The following BSPH1 variants were observed in gnomAD, a reference collection of about 807,000 sequenced individuals.
BSPH1 encodes binder of sperm protein homolog 1, also known as binder of sperm 1.
A neutral mutation model predicts 22.5 loss-of-function variants in BSPH1; 21 were observed. The observed-to-expected ratio is 0.93, with a 90% CI of 0.66 to 1.35. BSPH1 has a LOEUF of 1.35. Ranked by LOEUF, BSPH1 falls within the 40% of genes most tolerant of loss-of-function variation. The pLI, the probability that BSPH1 is intolerant of heterozygous loss-of-function variation, is 0.00. For missense variants in BSPH1, 141 were observed against 154.2 expected (o/e 0.91, Z 0.45); for synonymous variants, 42 against 53.6 (o/e 0.78, Z 0.95).
intron 1 of BSPH1, chr19:47,981,817 A>T (rs1047504081): frequency 1.3e-6 from 1 of 794,132 alleles, no homozygotes; most frequent in African/African-American, 1.9e-5. Flanking sequence ...TTGTTCCTTC[A>T]TGAGCCATTC....
intron 1 of BSPH1, among the ~76,000 whole-genome samples, chr19:47,984,160 AAAAAT>A (rs1220403828): frequency 0.023 from 2,212 of 98,306 alleles, 39 homozygotes; most frequent in African/African-American, 0.065. Context: ...AGAAAAAAAA[AAAAAT>A]ATATATATAT....
intron 1 of BSPH1, among the ~76,000 whole-genome samples, chr19:47,990,198 T>C (rs10425647): frequency 0.17 from 25,918 of 149,202 alleles, 2,778 homozygotes; most frequent in African/African-American, 0.29. Flanking sequence ...AGATAGTGAA[T>C]AGGCAACAGT....
chr19:47,989,729 C>T (rs1315651149), intron 1 of BSPH1, among the ~76,000 whole-genome samples: 2 of 152,094 alleles, frequency 1.3e-5, no homozygotes, highest in African/African-American at 2.4e-5. Flanking sequence ...ATCTGCAAGC[C>T]GGATTGCTGT....
At position 47,976,814 on chromosome 19, in the gene BSPH1, C is replaced by G. The variant is rs2122245149; in HGVS notation, c.297G>C (p.Leu99Phe). 1 of 1,551,698 alleles carries G rather than the reference C, an allele frequency of 6.4e-7. No individual in the cohort carries two copies. The highest frequency in any genetic ancestry group is 1.4e-5 in the African/African-American group (1 of 73,168). Residue 99 changes from leucine to phenylalanine, a missense_variant, in exon 5 of 6, where the codon TTG (leucine) becomes TTC (phenylalanine). By Grantham distance (22) the Leu-to-Phe change is conservative. Coordinates refer to ENST00000344839, the MANE Select transcript of BSPH1 (RefSeq NM_001128326.2). ...NCVFPFWYRR[L>F]IYWECTDDGE... ...CATCATCAGTACACTCCCAGTAGAT[C>G]AAGCGTCTGTACCAGAAGGGAAATA...
chr19:47,980,089 C>T (rs1429761237), intron 2 of BSPH1, among the ~76,000 whole-genome samples: 1 of 152,116 alleles, frequency 6.6e-6, no homozygotes, highest in Non-Finnish European at 1.5e-5. Context: ...TACAATATCA[C>T]TTATGTTAGA....
chr19:47,982,211 A>G (rs778390862), intron 1 of BSPH1, among the ~76,000 whole-genome samples: 3 of 152,232 alleles, frequency 2.0e-5, no homozygotes, highest in Non-Finnish European at 2.9e-5. Flanking sequence ...TAATTAGCAG[A>G]TATCTCTCAT....
intron 3 of BSPH1, chr19:47,977,800 AT>A: frequency 5.0e-6 from 2 of 396,624 alleles, no homozygotes; most frequent in Non-Finnish European, 6.8e-6. Context: ...AAATGTGGGC[AT>A]TTATCTACCC....
At chr19:47,968,681 T>TAAAAAAAAAAAAAAAAAAAAAAAAA (rs71181616) in intron 5 of BSPH1, among the ~76,000 whole-genome samples, 1 of 92,218 alleles carries the variant, frequency 1.1e-5, no homozygotes, top group African/African-American at 4.3e-5. Context: ...GACCCTGTCT[T>TAAAAAAAAAAAAAAAAAAAAAAAAA]AAAAAAAAAA....
rs571900726 is a variant in BSPH1 at position 47,969,258 on chromosome 19, G to A, written c.*3-1049C>T. Among the ~76,000 whole-genome samples, 4 of 152,240 alleles carry A rather than the reference G, an allele frequency of 2.6e-5. No individual in the cohort carries two copies. In the East Asian group the frequency reaches 7.7e-4, roughly 29 times the overall value. On this transcript the variant is annotated intron_variant, in intron 5 of 5. Coordinates refer to ENST00000344839, the MANE Select transcript of BSPH1 (RefSeq NM_001128326.2). ...AAAACAGACTCTTAGGTTTGGGGCT[G>A]GGCAAATGGGTGGATGGTCATGAGA... is the stretch of plus-strand genomic sequence containing the variant.
chr19:47,977,235 C>G, intron 4 of BSPH1, 138 bp downstream of exon 4: 1 of 644,734 alleles, frequency 1.6e-6, no homozygotes, highest in South Asian at 2.1e-5. Flanking sequence ...TTTATATCGT[C>G]AGAAATCGAA....
intron 5 of BSPH1, 38 bp from the exon 6 acceptor site, chr19:47,968,247 C>G (rs1252010682): frequency 2.6e-5 from 4 of 152,162 alleles, no homozygotes; most frequent in African/African-American, 9.6e-5. Context: ...AGAAAGCAGA[C>G]ACAGATTGCC....
chr19:47,986,456 T>C (rs1006113660), intron 1 of BSPH1, among the ~76,000 whole-genome samples: 1 of 152,130 alleles, frequency 6.6e-6, no homozygotes, highest in African/African-American at 2.4e-5. Flanking sequence ...AGAATTTTAC[T>C]GGTCAGGCAT....
Position 47,976,855 on chromosome 19 carries a change from C to T in BSPH1, c.257-1G>A. The T allele has an allele frequency of 6.4e-7, 1 of 1,551,130 alleles. No homozygotes were observed. The highest frequency in any genetic ancestry group is 8.7e-7 in the Non-Finnish European group (1 of 1,146,826). ...AAGGGAAATACACAGTTTGCAAAAT[C>T]TGCAGAGGAGGAAGAGGAAGAAGCA... On this transcript the variant is annotated splice_acceptor_variant, in intron 4 of 5. Coordinates refer to ENST00000344839, the MANE Select transcript of BSPH1 (RefSeq NM_001128326.2). LOFTEE classifies it high-confidence loss of function.
chr19:47,971,447 C>T (rs1969310795), intron 5 of BSPH1, among the ~76,000 whole-genome samples: 1 of 152,240 alleles, frequency 6.6e-6, no homozygotes, highest in African/African-American at 2.4e-5. Context: ...CTCAGGTGAT[C>T]TGCCCGCCTC....
intron 4 of BSPH1, 27 bp from the exon 5 acceptor site, chr19:47,976,881 G>A: frequency 6.5e-7 from 1 of 1,549,840 alleles, no homozygotes. Flanking sequence ...GGAAGAAGCA[G>A]AGTAAGAAAC....
In BSPH1 at chr19:47,977,358, AGACAG is replaced by A; in HGVS notation, c.256+10_256+14del. ...AAGATTACTGCTCTGAGGTATTTAG[AGACAG>A]GACACTCACCTTCTGCACTGCAAAA... On this transcript the variant is annotated intron_variant, in intron 4 of 5. Transcript: ENST00000344839. 1 of 1,548,500 alleles carries A rather than the reference AGACAG, an allele frequency of 6.5e-7. No homozygotes were observed. Among genetic ancestry groups the A allele is most frequent in the South Asian group, 1.2e-5 (1 of 83,894 alleles).
intron 5 of BSPH1, 45 bp downstream of exon 5, chr19:47,976,665 G>A (rs1197532885): frequency 2.0e-6 from 3 of 1,505,080 alleles, no homozygotes; most frequent in Admixed American, 2.0e-5. Context: ...TCTTTCCAAG[G>A]AGAATGATTA....
At chr19:47,971,218 T>G (rs1298861342) in intron 5 of BSPH1, among the ~76,000 whole-genome samples, 1 of 152,166 alleles carries the variant, frequency 6.6e-6, no homozygotes, top group Non-Finnish European at 1.5e-5. Flanking sequence ...AATTAATTAT[T>G]TTTGAGATGG....
At chr19:47,976,956 C>CAT in intron 4 of BSPH1, 102 bp from the exon 5 acceptor site, 4 of 1,147,584 alleles carry the variant, frequency 3.5e-6, no homozygotes, top group Non-Finnish European at 4.9e-6. Flanking sequence ...CACACATGTG[C>CAT]ATGCACGTGA....
Sources: allele counts gnomAD v4.1 joint callset (sites outside exome capture counted in the v4.1 genomes callset), GRCh38; gene constraint gnomAD v4.1.1; transcripts MANE v1.5; gene names NCBI Gene and HGNC (gene_info 2026-07-23, HGNC 2026-07-21).